LMX1B: variants seen among roughly 807,000 people sequenced by gnomAD.
The protein encoded by LMX1B is LIM homeobox transcription factor 1 beta.
A neutral mutation model predicts 51.4 loss-of-function variants in LMX1B; 12 were observed. The ratio of observed to expected loss-of-function variants is 0.23; its 90% confidence interval spans 0.15 to 0.38. LMX1B has a LOEUF of 0.38. Among genes scored for constraint, LMX1B ranks in the 10% least tolerant of loss-of-function variants. LMX1B has a pLI of 1.00. For missense variants in LMX1B, 445 were observed against 571.1 expected (o/e 0.78, Z 2.25); for synonymous variants, 237 against 235.4 (o/e 1.01, Z -0.06).
At chr9:126,653,566 G>A (rs943894305) in intron 2 of LMX1B, among the ~76,000 whole-genome samples, 2 of 152,130 alleles carry the variant, frequency 1.3e-5, no homozygotes, top group Non-Finnish European at 1.5e-5. Flanking sequence ...TTGCACAGCC[G>A]CGGGACAACA....
chr9:126,646,269 C>G (rs531672407), intron 2 of LMX1B, among the ~76,000 whole-genome samples: 7 of 152,078 alleles, frequency 4.6e-5, no homozygotes, highest in Non-Finnish European at 8.8e-5. Context: ...CCTGATCCCT[C>G]CCACTCTCAT....
chr9:126,653,240 C>G (rs889937398), intron 2 of LMX1B, among the ~76,000 whole-genome samples: 3 of 145,564 alleles, frequency 2.1e-5, no homozygotes, highest in Non-Finnish European at 4.5e-5. Context: ...GCAGCCTTGA[C>G]CTGCCAGGCT....
rs1328656485 is a variant in LMX1B, at chr9:126,618,676, T to G, written c.326+3107T>G. Among the ~76,000 whole-genome samples, 5 of 152,268 alleles carry G rather than the reference T, an allele frequency of 3.3e-5. No homozygotes were observed. The highest frequency in any genetic ancestry group is 3.3e-4 in the Admixed American group (5 of 15,308). The stretch of plus-strand genomic sequence containing the variant: ...AAGGCACTTTCCCCCCTCCCATGTT[T>G]TTATCTTGGCGGCTTGGCCGAATAG... On this transcript the variant is annotated intron_variant, in intron 2 of 7. Coordinates refer to ENST00000373474, the MANE Select transcript of LMX1B (RefSeq NM_001174147.2). The surrounding 1 kb of genome is among the most constrained non-coding windows in gnomAD (Gnocchi z 4.5).
intron 2 of LMX1B, among the ~76,000 whole-genome samples, chr9:126,644,184 G>C (rs541666629): frequency 6.6e-6 from 1 of 152,186 alleles, no homozygotes. Flanking sequence ...CCCCCACCGG[G>C]GGGTATCTGC....
intron 2 of LMX1B, among the ~76,000 whole-genome samples, chr9:126,670,535 C>T (rs1210016142): frequency 1.3e-5 from 2 of 152,140 alleles, no homozygotes; most frequent in Admixed American, 1.3e-4. Context: ...TGCAGATGGA[C>T]AGGTAGGTGT....
intron 2 of LMX1B, among the ~76,000 whole-genome samples, chr9:126,617,922 G>A (rs1245769028): frequency 1.9e-5 from 2 of 103,190 alleles, no homozygotes; most frequent in Non-Finnish European, 3.7e-5. Flanking sequence ...GGGGGGTGGG[G>A]GGTGGGGTGA....
chr9:126,614,916 G>A (rs1835272744), intron 1 of LMX1B, among the ~76,000 whole-genome samples: 1 of 152,118 alleles, frequency 6.6e-6, no homozygotes, highest in East Asian at 1.9e-4. Flanking sequence ...AGAGGCGCAA[G>A]GTCACCTGGG....
At chr9:126,624,849 C>T (rs1218912722) in intron 2 of LMX1B, among the ~76,000 whole-genome samples, 1 of 152,098 alleles carries the variant, frequency 6.6e-6, no homozygotes, top group Non-Finnish European at 1.5e-5. Context: ...TATAGGCGAG[C>T]CATATCCAAC....
In LMX1B at chr9:126,615,139, G is replaced by T. The variant is rs1369488751; in HGVS notation, c.140-244G>T. On this transcript the variant is annotated intron_variant, in intron 1 of 7. Transcript: ENST00000373474. The surrounding 1 kb of genome is among the most constrained non-coding windows in gnomAD (Gnocchi z 6.0). ...CGGAGCGCGGATTCTCCGGAGAAGG[G>T]GAGAGCACAGCGCCGAGCCAAGGCT... 6.6e-6 allele frequency among the ~76,000 whole-genome samples: 1 copy of T among 152,044 alleles called. No individual in the cohort carries two copies. The highest frequency in any genetic ancestry group is 1.9e-4 in the East Asian group (1 of 5,144).
intron 2 of LMX1B, among the ~76,000 whole-genome samples, chr9:126,617,496 A>T (rs1299583169): frequency 6.6e-6 from 1 of 152,078 alleles, no homozygotes; most frequent in East Asian, 1.9e-4. Flanking sequence ...TCTCTTTAAA[A>T]AAAAAAAGGA....
chr9:126,623,765 G>A (rs746703278), intron 2 of LMX1B, among the ~76,000 whole-genome samples: 35 of 152,198 alleles, frequency 2.3e-4, no homozygotes, highest in Non-Finnish European at 3.1e-4. Flanking sequence ...TCCTCTGCGC[G>A]GATTGCCCCC....
At chr9:126,642,031 GCCCCCA>G (rs1835817662) in intron 2 of LMX1B, among the ~76,000 whole-genome samples, 1 of 152,026 alleles carries the variant, frequency 6.6e-6, no homozygotes, top group Admixed American at 6.5e-5. Flanking sequence ...CCCCTTCGAA[GCCCCCA>G]CCTGGAACAG....
At position 126,677,150 on chromosome 9, in the gene LMX1B, C is replaced by G. The variant is rs1836578762; in HGVS notation, c.327-13686C>G. 6.6e-6 allele frequency among the ~76,000 whole-genome samples: 1 copy of G among 152,178 alleles called. No homozygotes were observed. The highest frequency in any genetic ancestry group is 6.5e-5 in the Admixed American group (1 of 15,282). On this transcript the variant is annotated intron_variant, in intron 2 of 7. Coordinates refer to ENST00000373474, the MANE Select transcript of LMX1B (RefSeq NM_001174147.2). This position sits in a 1 kb window ranked among gnomAD's most constrained non-coding sequence, Gnocchi z 5.0. ...TGCCTCGCCTGCCCTTTGCCCGTCC[C>G]CAGCCAGAGCGCAGGAGACCCAGGG... is the stretch of plus-strand genomic sequence containing the variant.
intron 2 of LMX1B, among the ~76,000 whole-genome samples, chr9:126,646,665 T>A (rs1309909272): frequency 6.6e-6 from 1 of 152,242 alleles, no homozygotes; most frequent in Non-Finnish European, 1.5e-5. Context: ...GTTCTACTTC[T>A]GGTGGATGAG....
chr9:126,652,463 G>A (rs1042948526), intron 2 of LMX1B, among the ~76,000 whole-genome samples: 1 of 152,250 alleles, frequency 6.6e-6, no homozygotes, highest in African/African-American at 2.4e-5. Context: ...GCATGGGCGG[G>A]GCTGGCTCCA....
In LMX1B at chr9:126,658,161, CA is replaced by C. The variant is rs1836155296; in HGVS notation, c.327-32674del. ...GGAATCCCCAGCCAAGTGCAGAGGT[CA>C]GGGGTCTGTGTCTGGGGAATGTGGG... On this transcript the variant is annotated intron_variant, in intron 2 of 7. Coordinates refer to ENST00000373474, the MANE Select transcript of LMX1B (RefSeq NM_001174147.2). The surrounding 1 kb of genome is among the most constrained non-coding windows in gnomAD (Gnocchi z 4.0). Among the ~76,000 whole-genome samples the C allele has an allele frequency of 1.3e-5, 2 of 151,326 alleles. No homozygotes were observed.
chr9:126,655,502 C>A (rs1233474260), intron 2 of LMX1B, among the ~76,000 whole-genome samples: 1 of 152,104 alleles, frequency 6.6e-6, no homozygotes, highest in East Asian at 1.9e-4. Context: ...CCGGCTTTGT[C>A]CCCTACTAGC....
At position 126,683,298 on chromosome 9, in the gene LMX1B, C is replaced by T. The variant is rs1264725421; in HGVS notation, c.327-7538C>T. Among the ~76,000 whole-genome samples the T allele has an allele frequency of 3.3e-5, 5 of 151,620 alleles. No individual in the cohort carries two copies. The East Asian group carries it at 5.8e-4, about 18-fold the overall frequency. ...CGGGGCCCCCGCCCGCGGCTCCCGC[C>T]GCCGCCCGCCCGGCCCGCGGCCGCC... On this transcript the variant is annotated intron_variant, in intron 2 of 7. Transcript: ENST00000373474.
At chr9:126,661,155 T>C (rs1016947696) in intron 2 of LMX1B, among the ~76,000 whole-genome samples, 15 of 151,956 alleles carry the variant, frequency 9.9e-5, no homozygotes, top group Non-Finnish European at 8.8e-5. Context: ...CTGAGGCCAG[T>C]GTGGATGCCC....
Sources: allele counts gnomAD v4.1 joint callset (sites outside exome capture counted in the v4.1 genomes callset), GRCh38; gene constraint gnomAD v4.1.1; non-coding constraint Gnocchi (gnomAD v3.1); transcripts MANE v1.5; gene names NCBI Gene and HGNC (gene_info 2026-07-23, HGNC 2026-07-21).